Variants in LAMA5 observed in about 807,000 individuals in gnomAD.
LAMA5 encodes laminin subunit alpha-5.
LAMA5 carries 260 observed loss-of-function variants against 433.4 expected under a neutral mutation model. The ratio of observed to expected loss-of-function variants is 0.60; its 90% CI spans 0.54 to 0.66. LAMA5 has a LOEUF of 0.66. Among genes scored for constraint, LAMA5 ranks in the 30% least tolerant of loss-of-function variants. The pLI is 0.00. For synonymous variants in LAMA5, 2,620 were observed against 2,226.6 expected, an observed-to-expected ratio of 1.18 and a Z score of -4.97; for missense variants, 5,378 against 5,258.5, an observed-to-expected ratio of 1.02 and a Z score of -0.70.
Position 62,324,127 on chromosome 20 carries a change from G to A in LAMA5, c.5721C>T (p.Ser1907=), listed in dbSNP as rs780626116. 7.0e-5 allele frequency: 108 copies of A among 1,540,986 alleles called. No homozygotes were observed. The Admixed American group carries it at 1.8e-3, about 26-fold the overall frequency. The change falls in exon 43 of 80, where the codon AGC becomes AGT. Residue 1907 remains serine (S), a synonymous_variant. Coordinates refer to ENST00000252999, the MANE Select transcript of LAMA5 (RefSeq NM_005560.6). This position sits in a 1 kb window ranked among gnomAD's most constrained non-coding sequence, Gnocchi z 4.4. ...GGCAGGGGCAGCTGACACAGGGGGC[G>A]CTGGGGTCGTCCCTGCTGCTCACGA... is the stretch of plus-strand genomic sequence containing the variant. ...AGFVSSRDDP[S]APCVSCPCPL... is the part of the protein sequence containing the mutation.
rs370177898 is a variant in LAMA5 at position 62,333,460 on chromosome 20, T to C, written c.3043A>G (p.Ser1015Gly). 2 of 1,612,610 alleles carry C rather than the reference T, an allele frequency of 1.2e-6. No homozygotes were observed. The highest frequency in any genetic ancestry group is 1.7e-6 in the Non-Finnish European group (2 of 1,179,848). ...AGGAGCGCCGCCTCGTAGTATGCGC[T>C]AGGCAGCAGAACCACGTAGTCCTGC... ...VLLDYVVLLPSAYYEAALLQL... is the reference protein window; with the variant it reads ...VLLDYVVLLPGAYYEAALLQL... The change falls in exon 25 of 80, where the codon AGC (serine) becomes GGC (glycine). Residue 1015 changes from serine to glycine, a missense_variant. Coordinates refer to ENST00000252999, the MANE Select transcript of LAMA5 (RefSeq NM_005560.6).
chr20:62,327,602 G>A lies in LAMA5; in HGVS notation c.4865C>T (p.Pro1622Leu), dbSNP rs1285057086. 1.9e-6 allele frequency: 3 copies of A among 1,613,076 alleles called. No individual in the cohort carries two copies. Among genetic ancestry groups the A allele is most frequent in the Non-Finnish European group, 2.5e-6 (3 of 1,180,020 alleles). The change falls in exon 37 of 80, where the codon CCC becomes CTC. Residue 1622 changes from proline (P) to leucine (L), a missense_variant. Pro to Leu is a moderately conservative substitution (Grantham distance 98). Coordinates refer to ENST00000252999, the MANE Select transcript of LAMA5 (RefSeq NM_005560.6). ...LGTFSLDAANPKGCTRCFCFG... is the reference protein window; with the variant it reads ...LGTFSLDAANLKGCTRCFCFG... Reference sequence around the variant, plus strand: ...GCAGAAGCAGCGGGTGCAACCTTTGGGGTTGGCAGCATCCAGTGAGAAGGT... The same window carrying A: ...GCAGAAGCAGCGGGTGCAACCTTTGAGGTTGGCAGCATCCAGTGAGAAGGT...
Position 62,320,550 on chromosome 20 carries a change from G to A in LAMA5, c.6759+9C>T. ...CTCCCGGGGCCCTGGGGGGTCTTGG[G>A]GCTCCTGCCTGGCCGCCTAGCCGCC... is the stretch of plus-strand genomic sequence containing the variant. On this transcript the variant is annotated intron_variant, in intron 50 of 79. Transcript: ENST00000252999. 1 of 1,582,082 alleles carries A rather than the reference G, an allele frequency of 6.3e-7. No homozygotes were observed. Among genetic ancestry groups the A allele is most frequent in the East Asian group, 2.3e-5 (1 of 44,108 alleles).
Position 62,315,144 on chromosome 20 carries a change from G to A in LAMA5, c.7931C>T (p.Thr2644Ile), listed in dbSNP as rs1986806302. 6.2e-7 allele frequency: 1 copy of A among 1,610,506 alleles called. No individual in the cohort carries two copies. The highest frequency in any genetic ancestry group is 1.7e-5 in the Admixed American group (1 of 59,954). Residue 2644 changes from threonine (T) to isoleucine (I), a missense_variant, in exon 59 of 80, where the codon ACC becomes ATC. Coordinates refer to ENST00000252999, the MANE Select transcript of LAMA5 (RefSeq NM_005560.6). ...GGCCTGCAGCTGGGACTGCACACGG[G>A]TGGCGGTGTCCTGGGCTTCAGCAGC... ...AVAAEAQDTA[T>I]RVQSQLQAMQ... is the part of the protein sequence containing the mutation.
At chr20:62,315,851 A>G (rs932182344) in intron 58 of LAMA5, 97 bp downstream of exon 58, 1 of 932,754 alleles carries the variant, frequency 1.1e-6, no homozygotes, top group East Asian at 2.6e-5. Flanking sequence ...TCTCTTCCAC[A>G]GCACAGTGAG....
rs377325871 is a variant in LAMA5 at position 62,312,972 on chromosome 20, G to A, written c.8994C>T (p.Leu2998=). The change falls in exon 66 of 80, where the codon CTC becomes CTT. Residue 2998 remains leucine (L), a synonymous_variant. Transcript: ENST00000252999. ...FLCLAVQEGS[L]VLLYDFGAGL... ...CAGCCCCAAAGTCATACAACAGCAC[G>A]AGGCTGCCTTCTTGCACGGCCAAGC... 2.5e-5 allele frequency: 40 copies of A among 1,582,104 alleles called. No individual in the cohort carries two copies. Among genetic ancestry groups the A allele is most frequent in the African/African-American group, 4.0e-5 (3 of 74,474 alleles).
In LAMA5 at chr20:62,319,885, G is replaced by A. The variant is rs1375668462; in HGVS notation, c.6760-90C>T. On this transcript the variant is annotated intron_variant, in intron 50 of 79. Transcript: ENST00000252999. ...CCTGGGGTCTGGGGGAGCGCCGAGG[G>A]TCCCAGGGAAGAGGGGCCCCTTATC... is the stretch of plus-strand genomic sequence containing the variant. 4.1e-6 allele frequency: 4 copies of A among 987,622 alleles called. No homozygotes were observed. In the African/African-American group the frequency reaches 4.8e-5, roughly 12 times the overall value. 61.2% of individuals were successfully genotyped at this position (987,622 alleles called of 1,614,324 possible).
chr20:62,330,262 C>T (rs923044142), intron 31 of LAMA5, among the ~76,000 whole-genome samples: 5 of 152,256 alleles, frequency 3.3e-5, no homozygotes, highest in Admixed American at 6.5e-5. Context: ...TGGAGCACAA[C>T]GGGGCTTCCC....
chr20:62,348,943 C>G (rs1288863353), intron 6 of LAMA5, among the ~76,000 whole-genome samples: 1 of 152,120 alleles, frequency 6.6e-6, no homozygotes, highest in Non-Finnish European at 1.5e-5. Flanking sequence ...AGCCAACAGT[C>G]AGAAAGAATG....
chr20:62,351,316 C>G (rs1342261378), intron 6 of LAMA5: 1 of 312,604 alleles, frequency 3.2e-6, no homozygotes, highest in African/African-American at 2.1e-5. Context: ...GGCACCTGTC[C>G]ATTCCGGGGG....
Position 62,314,782 on chromosome 20 carries a change from C to A in LAMA5, c.8196+17G>T. On this transcript the variant is annotated intron_variant, in intron 60 of 79. Transcript: ENST00000252999. The stretch of plus-strand genomic sequence containing the variant: ...CACCCTCCCTGATGTCCACCTTCCC[C>A]TGGGACTCTCACCCACCTTACTGGC... The A allele has an allele frequency of 6.2e-7, 1 of 1,612,884 alleles. No individual in the cohort carries two copies. Among genetic ancestry groups the A allele is most frequent in the Non-Finnish European group, 8.5e-7 (1 of 1,179,936 alleles).
rs750862034 is a variant in LAMA5, at chr20:62,327,667, C to T, written c.4800G>A (p.Glu1600=). Residue 1600 remains glutamate, a splice_region_variant and synonymous_variant, in exon 37 of 80, where the codon GAG becomes GAA. Coordinates refer to ENST00000252999, the MANE Select transcript of LAMA5 (RefSeq NM_005560.6). ...DPLTGQCYCK[E]NVQGPKCDQC... is the part of the protein sequence containing the mutation. ...GGTCACATTTGGGGCCCTGCACGTT[C>T]TCCTAGGGATGAGAGGACAGTGAGA... 5 of 1,612,714 alleles carry T rather than the reference C, an allele frequency of 3.1e-6. No individual in the cohort carries two copies. In the East Asian group the frequency reaches 1.1e-4, roughly 36 times the overall value.
chr20:62,330,888 T>C lies in LAMA5; in HGVS notation c.3707A>G (p.Asp1236Gly). ...PKPPQPIILR[D>G]CQVIPLPPGL... ...GGGCGGCAGCGGGATCACCTGGCAG[T>C]CCCTGAGGATGATGGGCTGGGGCGG... is the stretch of plus-strand genomic sequence containing the variant. The change falls in exon 30 of 80, where the codon GAC becomes GGC. Residue 1236 changes from aspartate (D) to glycine (G), a missense_variant. Coordinates refer to ENST00000252999, the MANE Select transcript of LAMA5 (RefSeq NM_005560.6). 6.5e-7 allele frequency: 1 copy of C among 1,544,368 alleles called. No individual in the cohort carries two copies. Among genetic ancestry groups the C allele is most frequent in the Non-Finnish European group, 8.7e-7 (1 of 1,144,562 alleles).
intron 16 of LAMA5, 96 bp from the exon 17 acceptor site, chr20:62,336,882 AGCT>A: frequency 8.0e-7 from 1 of 1,246,524 alleles, no homozygotes; most frequent in East Asian, 2.4e-5. Context: ...GTCCCACAGG[AGCT>A]GAGGACCAGC....
rs370174061 is a variant in LAMA5, at chr20:62,312,585, C to T, written c.9227+47G>A. On this transcript the variant is annotated intron_variant, in intron 67 of 79. Coordinates refer to ENST00000252999, the MANE Select transcript of LAMA5 (RefSeq NM_005560.6). ...GGCGCCACCTCCAAGCCCAGCCTAC[C>T]GCCCCAACAGCCTGGCCTCGGAGCC... 57 of 1,599,224 alleles carry T rather than the reference C, an allele frequency of 3.6e-5. No individual in the cohort carries two copies. In the Admixed American group the frequency reaches 5.9e-4, roughly 17 times the overall value.
Position 62,327,679 on chromosome 20 carries a change from A to C in LAMA5, c.4798-10T>G, listed in dbSNP as rs1218267005. ...GGCCCTGCACGTTCTCCTAGGGATG[A>C]GAGGACAGTGAGAGTGGTCGGCAGG... On this transcript the variant is annotated splice_polypyrimidine_tract_variant and intron_variant, in intron 36 of 79. Coordinates refer to ENST00000252999, the MANE Select transcript of LAMA5 (RefSeq NM_005560.6). 1.2e-6 allele frequency: 2 copies of C among 1,612,036 alleles called. No individual in the cohort carries two copies. The highest frequency in any genetic ancestry group is 1.7e-6 in the Non-Finnish European group (2 of 1,179,346).
At chr20:62,325,209 G>A (rs984500605) in intron 41 of LAMA5, 107 bp downstream of exon 41, 2 of 742,676 alleles carry the variant, frequency 2.7e-6, no homozygotes, top group African/African-American at 3.6e-5. Context: ...GAGGTGAGTA[G>A]GGTGACAGGA....
intron 6 of LAMA5, among the ~76,000 whole-genome samples, chr20:62,350,760 G>A (rs1021285914): frequency 3.9e-5 from 6 of 152,104 alleles, no homozygotes; most frequent in East Asian, 1.9e-4. Context: ...TACACCCTCC[G>A]GGCACCACGC....
At chr20:62,346,052 C>G (rs779216540) in intron 10 of LAMA5, 29 bp downstream of exon 10, 121 of 1,611,476 alleles carry the variant, frequency 7.5e-5, no homozygotes, top group Non-Finnish European at 1.0e-4. Context: ...GCAGTGGTGT[C>G]TGTTTGGATG....
Sources: allele counts gnomAD v4.1 joint callset (sites outside exome capture counted in the v4.1 genomes callset), GRCh38; gene constraint gnomAD v4.1.1; non-coding constraint Gnocchi (gnomAD v3.1); transcripts MANE v1.5; gene names NCBI Gene and HGNC (gene_info 2026-07-23, HGNC 2026-07-21).